The following SLC25A13 variants were observed in gnomAD, a reference collection of about 807,000 sequenced individuals.
The protein encoded by SLC25A13 is solute carrier family 25 member 13, also known as electrogenic aspartate/glutamate antiporter SLC25A13, mitochondrial.
SLC25A13 carries 70 observed loss-of-function variants against 85.5 expected under a neutral mutation model. The observed-to-expected ratio is 0.82, with a 90% CI of 0.68 to 1.00. The LOEUF (loss-of-function observed/expected upper bound fraction) is 1.00, where lower values mean the gene tolerates loss of function less well. SLC25A13 is among the 50% of genes least tolerant of loss of function. The pLI is 0.00. For synonymous variants in SLC25A13, 259 were observed against 288.7 expected (o/e 0.90, Z 1.04); for missense variants, 765 against 819.8 (o/e 0.93, Z 0.82).
At chr7:96,286,139 C>G (rs780289896) in intron 2 of SLC25A13, among the ~76,000 whole-genome samples, 1 of 151,922 alleles carries the variant, frequency 6.6e-6, no homozygotes, top group African/African-American at 2.4e-5. Flanking sequence ...AAAAAATTAC[C>G]CGGGCATGGT....
At position 96,275,240 on chromosome 7, in the gene SLC25A13, T is replaced by A. The variant is rs562585874; in HGVS notation, c.212+1956A>T. Among the ~76,000 whole-genome samples the A allele has an allele frequency of 7.2e-5, 11 of 152,302 alleles. No individual in the cohort carries two copies. In the East Asian group the frequency reaches 1.5e-3, roughly 21 times the overall value. On this transcript the variant is annotated intron_variant, in intron 3 of 17. Coordinates refer to ENST00000265631, the MANE Select transcript of SLC25A13 (RefSeq NM_014251.3). ...CATTAAAAAGTCAGGAAACAACAGGTGCTGGAGAGGATGTGGAGAAATAGG... is the reference window on the plus strand; with the variant it reads ...CATTAAAAAGTCAGGAAACAACAGGAGCTGGAGAGGATGTGGAGAAATAGG...
At chr7:96,276,416 G>C (rs1798452382) in intron 3 of SLC25A13, among the ~76,000 whole-genome samples, 1 of 152,152 alleles carries the variant, frequency 6.6e-6, no homozygotes, top group Non-Finnish European at 1.5e-5. Flanking sequence ...GAGCCCAGGA[G>C]TTTGAGACCA....
intron 5 of SLC25A13, among the ~76,000 whole-genome samples, chr7:96,199,020 T>C (rs1413469632): frequency 6.6e-6 from 1 of 152,118 alleles, no homozygotes; most frequent in African/African-American, 2.4e-5. Flanking sequence ...AGAGAAAACA[T>C]CACAAGGAGA....
At chr7:96,277,798 TA>T (rs5885954) in intron 2 of SLC25A13, among the ~76,000 whole-genome samples, 92,413 of 146,946 alleles carry the variant, frequency 0.63, 28,914 homozygotes, top group Non-Finnish European at 0.67. Context: ...CATAGCTTTT[TA>T]AAAAAAAAAA....
chr7:96,294,648 A>G (rs1562911904), intron 2 of SLC25A13, among the ~76,000 whole-genome samples: 1 of 151,782 alleles, frequency 6.6e-6, no homozygotes, highest in Non-Finnish European at 1.5e-5. Flanking sequence ...TCTACACTGT[A>G]TTTCTGGGCT....
chr7:96,246,442 A>G (rs1249909843), intron 3 of SLC25A13, among the ~76,000 whole-genome samples: 3 of 151,886 alleles, frequency 2.0e-5, no homozygotes, highest in African/African-American at 4.8e-5. Context: ...ACAATATTCT[A>G]AAACGAACAA....
intron 3 of SLC25A13, among the ~76,000 whole-genome samples, chr7:96,252,008 T>G (rs1797446541): frequency 6.6e-6 from 1 of 152,218 alleles, no homozygotes; most frequent in African/African-American, 2.4e-5. Context: ...TGAACTACAG[T>G]TGGAAACGTC....
chr7:96,216,104 C>T (rs1449208375), intron 4 of SLC25A13, among the ~76,000 whole-genome samples: 1 of 150,736 alleles, frequency 6.6e-6, no homozygotes, highest in African/African-American at 2.4e-5. Flanking sequence ...TGCAGTGAGC[C>T]GAGATCATGC....
intron 3 of SLC25A13, among the ~76,000 whole-genome samples, chr7:96,245,285 T>A (rs1407054926): frequency 6.6e-6 from 1 of 152,178 alleles, no homozygotes; most frequent in East Asian, 1.9e-4. Context: ...TCCCTCCCTG[T>A]AAAATAACCA....
At chr7:96,159,045 G>A (rs73708500) in intron 13 of SLC25A13, among the ~76,000 whole-genome samples, 1,738 of 152,296 alleles carry the variant, frequency 0.011, 35 homozygotes, top group African/African-American at 0.04. Flanking sequence ...GTCAAGTGCT[G>A]TTCAAAACTG....
chr7:96,125,139 TG>T (rs1260479548), intron 15 of SLC25A13, among the ~76,000 whole-genome samples: 2 of 152,154 alleles, frequency 1.3e-5, no homozygotes, highest in Admixed American at 6.5e-5. Context: ...ATGCCCAGGC[TG>T]GGGCTGCGCA....
chr7:96,221,338 T>A (rs779416949), intron 4 of SLC25A13, among the ~76,000 whole-genome samples: 1 of 152,210 alleles, frequency 6.6e-6, no homozygotes, highest in African/African-American at 2.4e-5. Context: ...GATGTAAGCA[T>A]GTATAAGAGA....
At chr7:96,298,767 G>T (rs529150202) in intron 1 of SLC25A13, among the ~76,000 whole-genome samples, 2 of 152,130 alleles carry the variant, frequency 1.3e-5, no homozygotes, top group Non-Finnish European at 2.9e-5. Flanking sequence ...TCCTGAATTA[G>T]TAAGTGTTCT....
chr7:96,296,627 C>T (rs1358833087), intron 2 of SLC25A13, among the ~76,000 whole-genome samples: 4 of 151,958 alleles, frequency 2.6e-5, no homozygotes, highest in African/African-American at 4.8e-5. Context: ...ATTACAGGCA[C>T]GTGCCACCAC....
intron 4 of SLC25A13, among the ~76,000 whole-genome samples, chr7:96,214,003 T>C (rs1183167625): frequency 2.0e-5 from 3 of 152,222 alleles, no homozygotes; most frequent in African/African-American, 7.2e-5. Context: ...GTAGTTCCCA[T>C]AATATCACCA....
chr7:96,302,803 T>C (rs972427162), intron 1 of SLC25A13, among the ~76,000 whole-genome samples: 6 of 152,182 alleles, frequency 3.9e-5, no homozygotes, highest in Non-Finnish European at 8.8e-5. Context: ...CTTTTAAAAA[T>C]ACAAATTATC....
At chr7:96,141,242 A>G (rs549406513) in intron 14 of SLC25A13, among the ~76,000 whole-genome samples, 9 of 152,056 alleles carry the variant, frequency 5.9e-5, no homozygotes, top group Non-Finnish European at 1.2e-4. Context: ...TGCCTAGGCT[A>G]GTCTTGAATT....
intron 5 of SLC25A13, among the ~76,000 whole-genome samples, chr7:96,203,819 C>T (rs137981808): frequency 6.6e-6 from 1 of 152,258 alleles, no homozygotes; most frequent in East Asian, 1.9e-4. Flanking sequence ...TGTTGATGAT[C>T]GCATCTGGCA....
intron 1 of SLC25A13, among the ~76,000 whole-genome samples, chr7:96,319,607 T>C (rs1457034065): frequency 6.8e-6 from 1 of 147,756 alleles, no homozygotes; most frequent in Non-Finnish European, 1.5e-5. Flanking sequence ...CCCAAGTAAA[T>C]GACCTCACTG....
Sources: gnomAD v4.1 joint callset for allele counts (sites outside exome capture counted in the v4.1 genomes callset) on GRCh38, gnomAD v4.1.1 for gene constraint, MANE v1.5 for transcripts, NCBI Gene and HGNC (gene_info 2026-07-23, HGNC 2026-07-21) for gene names.